The following ADAMTSL1 variants were observed in gnomAD, a reference collection of about 807,000 sequenced individuals.
The protein encoded by ADAMTSL1 is ADAMTS like 1.
A neutral mutation model predicts 201.8 loss-of-function variants in ADAMTSL1; 126 were observed. The ratio of observed to expected loss-of-function variants is 0.62; its 90% confidence interval spans 0.54 to 0.72. ADAMTSL1 has a LOEUF of 0.72. Ranked by LOEUF, ADAMTSL1 falls within the 30% of genes least tolerant of loss-of-function variation. The pLI is 0.00. For missense variants in ADAMTSL1, 2,679 were observed against 2,277.8 expected (o/e 1.18, Z -3.59); for synonymous variants, 1,121 against 903.4 (o/e 1.24, Z -4.32).
Position 17,998,197 on chromosome 9 carries a change from G to A in ADAMTSL1, c.87+91275G>A, listed in dbSNP as rs144834654. On this transcript the variant is annotated intron_variant, in intron 1 of 29. Transcript: ENST00000680146. ...ATACATATTTAATATACAAACATAT[G>A]TGCACACATACCTACGCATGTGGAA... 3.0e-3 allele frequency among the ~76,000 whole-genome samples: 453 copies of A among 152,164 alleles called. 1 individual carries two copies. The highest frequency in any genetic ancestry group is 0.027 in the Middle Eastern group (8 of 294).
intron 2 of ADAMTSL1, among the ~76,000 whole-genome samples, chr9:18,368,204 C>G (rs921242480): frequency 6.6e-6 from 1 of 152,150 alleles, no homozygotes; most frequent in African/African-American, 2.4e-5. Flanking sequence ...CGTGAGCCAC[C>G]GCGCCTGGCT....
In ADAMTSL1 at chr9:18,514,235, C is replaced by A. The variant is rs1180570550; in HGVS notation, c.191+9279C>A. 2.8e-5 allele frequency among the ~76,000 whole-genome samples: 4 copies of A among 144,980 alleles called. No individual in the cohort carries two copies. In the East Asian group the frequency reaches 8.2e-4, roughly 30 times the overall value. Reference sequence around the variant, plus strand: ...TTAGTTTATTCCTAAGTATTTTATTCTTTTTGATGTGATTGTAAATGAGAC... The same window carrying A: ...TTAGTTTATTCCTAAGTATTTTATTATTTTTGATGTGATTGTAAATGAGAC... On this transcript the variant is annotated intron_variant, in intron 2 of 28. Transcript: ENST00000380548.
chr9:18,513,564 T>G (rs1470553045), intron 2 of ADAMTSL1, among the ~76,000 whole-genome samples: 1 of 152,234 alleles, frequency 6.6e-6, no homozygotes, highest in African/African-American at 2.4e-5. Context: ...GAGAGATCAT[T>G]GCCAAATCAA....
chr9:17,971,058 TATAA>T (rs1470289800), intron 1 of ADAMTSL1, among the ~76,000 whole-genome samples: 2 of 152,224 alleles, frequency 1.3e-5, no homozygotes, highest in East Asian at 1.9e-4. Context: ...CATATATACA[TATAA>T]ATAACTAATT....
rs1483954507 is a variant in ADAMTSL1 at position 18,455,585 on chromosome 9, T to C, written c.208-49244T>C. Among the ~76,000 whole-genome samples the C allele has an allele frequency of 2.0e-5, 3 of 152,176 alleles. No homozygotes were observed. The East Asian group carries it at 5.8e-4, about 29-fold the overall frequency. On this transcript the variant is annotated intron_variant, in intron 2 of 29. Transcript: ENST00000680146. ...GTCTCAGAGTCACCTAAAGAGCTTA[T>C]AAGTTGCTAAGCAAATTGAAAAGTC...
chr9:18,127,457 T>C (rs1825780796), intron 1 of ADAMTSL1, among the ~76,000 whole-genome samples: 1 of 137,830 alleles, frequency 7.3e-6, no homozygotes, highest in Non-Finnish European at 1.6e-5. Flanking sequence ...GTGTGTGGGG[T>C]GGTGCATGCA....
chr9:18,376,887 A>G (rs1235249070), intron 2 of ADAMTSL1, among the ~76,000 whole-genome samples: 1 of 152,214 alleles, frequency 6.6e-6, no homozygotes. Context: ...TCTATATGCC[A>G]TTGCAAATAC....
intron 14 of ADAMTSL1, among the ~76,000 whole-genome samples, chr9:18,710,487 T>G (rs1264821738): frequency 6.6e-6 from 1 of 152,158 alleles, no homozygotes; most frequent in Non-Finnish European, 1.5e-5. Context: ...TCTGGACTGC[T>G]TCTTAGTCTC....
chr9:17,974,340 G>A (rs1269606603), intron 1 of ADAMTSL1, among the ~76,000 whole-genome samples: 1 of 152,010 alleles, frequency 6.6e-6, no homozygotes, highest in African/African-American at 2.4e-5. Context: ...TGTATATCTA[G>A]AAAACCCAAT....
intron 2 of ADAMTSL1, among the ~76,000 whole-genome samples, chr9:18,519,653 C>T (rs1370113896): frequency 1.3e-5 from 2 of 152,198 alleles, no homozygotes; most frequent in East Asian, 3.8e-4. Flanking sequence ...TTTCACAGTG[C>T]CTTGCTTAGT....
At chr9:18,669,600 T>C (rs1017488251) in intron 9 of ADAMTSL1, among the ~76,000 whole-genome samples, 2 of 152,184 alleles carry the variant, frequency 1.3e-5, no homozygotes, top group African/African-American at 4.8e-5. Context: ...GATCCCAACG[T>C]GCCTCTGTAA....
chr9:18,238,967 G>A (rs1830953236), intron 2 of ADAMTSL1, among the ~76,000 whole-genome samples: 2 of 152,090 alleles, frequency 1.3e-5, no homozygotes, highest in Admixed American at 6.5e-5. Context: ...ACAATTTTGT[G>A]GTTTCCCAGT....
At chr9:18,861,903 C>T (rs1337061415) in intron 23 of ADAMTSL1, among the ~76,000 whole-genome samples, 1 of 152,196 alleles carries the variant, frequency 6.6e-6, no homozygotes, top group Non-Finnish European at 1.5e-5. Context: ...CCCGTCTTTA[C>T]TTCCCTCACA....
At chr9:17,922,056 T>G (rs1485418822) in intron 1 of ADAMTSL1, among the ~76,000 whole-genome samples, 1 of 149,980 alleles carries the variant, frequency 6.7e-6, no homozygotes, top group African/African-American at 2.4e-5. Flanking sequence ...GTATTAAAAA[T>G]GTATTCTCTA....
chr9:18,438,702 G>T (rs1819861375), intron 2 of ADAMTSL1, among the ~76,000 whole-genome samples: 1 of 152,138 alleles, frequency 6.6e-6, no homozygotes, highest in African/African-American at 2.4e-5. Flanking sequence ...GCGGCTCCGG[G>T]TGCCCGGCGC....
chr9:18,164,513 G>A (rs1363646609), intron 2 of ADAMTSL1, among the ~76,000 whole-genome samples: 2 of 151,704 alleles, frequency 1.3e-5, no homozygotes, highest in African/African-American at 4.8e-5. Context: ...CAGTTGACTG[G>A]AGATGTCAAG....
intron 1 of ADAMTSL1, among the ~76,000 whole-genome samples, chr9:18,057,649 C>G (rs1822256790): frequency 6.6e-6 from 1 of 152,112 alleles, no homozygotes; most frequent in Non-Finnish European, 1.5e-5. Context: ...CCTGCATCAC[C>G]CAGACCAGTC....
intron 1 of ADAMTSL1, among the ~76,000 whole-genome samples, chr9:18,036,224 A>C (rs963814229): frequency 2.0e-5 from 3 of 152,228 alleles, no homozygotes; most frequent in African/African-American, 7.2e-5. Flanking sequence ...TGGCTGGACT[A>C]TAGAAAGAGG....
chr9:18,584,845 G>T (rs945850567), intron 4 of ADAMTSL1, among the ~76,000 whole-genome samples: 8 of 152,180 alleles, frequency 5.3e-5, no homozygotes, highest in Middle Eastern at 3.4e-3. Flanking sequence ...TAGCAAGAAG[G>T]TCCTCACCAA....
Sources: allele counts gnomAD v4.1 joint callset (sites outside exome capture counted in the v4.1 genomes callset), GRCh38; gene constraint gnomAD v4.1.1; transcripts MANE v1.5; gene names NCBI Gene and HGNC (gene_info 2026-07-23, HGNC 2026-07-21).